HERC4: variants seen among roughly 807,000 people sequenced by gnomAD.
HERC4 encodes probable E3 ubiquitin-protein ligase HERC4.
A neutral mutation model predicts 124.3 loss-of-function variants in HERC4; 28 were observed. The observed-to-expected ratio is 0.23, with a 90% confidence interval of 0.17 to 0.31. HERC4 has a LOEUF of 0.31. HERC4 is among the 10% of genes least tolerant of loss of function. The pLI is 1.00. For missense variants in HERC4, 713 were observed against 1,229.3 expected, an observed-to-expected ratio of 0.58 and a Z score of 6.28; for synonymous variants, 407 against 421.5, an observed-to-expected ratio of 0.97 and a Z score of 0.42.
intron 9 of HERC4, among the ~76,000 whole-genome samples, chr10:68,006,603 C>A (rs1241562428): frequency 6.6e-6 from 1 of 152,028 alleles, no homozygotes; most frequent in Non-Finnish European, 1.5e-5. Context: ...GTCTCAAACT[C>A]CTGACCTCAG....
intron 4 of HERC4, 129 bp downstream of exon 4, chr10:68,044,274 AT>A: frequency 1.3e-6 from 1 of 786,192 alleles, no homozygotes; most frequent in Non-Finnish European, 1.9e-6. Context: ...CCAAACTCTT[AT>A]CAAAGGACTC....
intron 9 of HERC4, chr10:67,995,315 T>C (rs1368825415): frequency 2.2e-6 from 1 of 453,290 alleles, no homozygotes; most frequent in African/African-American, 2.0e-5. Flanking sequence ...AAATTAAGTG[T>C]TAGCATTACT....
At chr10:68,050,442 A>G (rs1291930596) in intron 3 of HERC4, among the ~76,000 whole-genome samples, 1 of 152,218 alleles carries the variant, frequency 6.6e-6, no homozygotes, top group Non-Finnish European at 1.5e-5. Context: ...TTTTCATTTT[A>G]AAACTAATCT....
intron 5 of HERC4, among the ~76,000 whole-genome samples, chr10:68,036,798 T>G (rs1387024872): frequency 6.6e-6 from 1 of 152,222 alleles, no homozygotes; most frequent in Non-Finnish European, 1.5e-5. Context: ...CTTTAAAGAC[T>G]TGCATCAAAT....
intron 24 of HERC4, among the ~76,000 whole-genome samples, chr10:67,923,895 A>G (rs2030547761): frequency 6.6e-6 from 1 of 152,242 alleles, no homozygotes; most frequent in Non-Finnish European, 1.5e-5. Flanking sequence ...TGGACACATA[A>G]ATTCTGACAA....
At position 67,990,901 on chromosome 10, in the gene HERC4, G is replaced by A. The variant is rs1391776012; in HGVS notation, c.1443+3C>T. ...CTGTAAACATAATACTTTAAAAACA[G>A]ACCTGCTGAGATATCTGCGGATGAT... On this transcript the variant is annotated splice_donor_region_variant and intron_variant, in intron 13 of 24. Transcript: ENST00000373700. 1 of 1,564,428 alleles carries A rather than the reference G, an allele frequency of 6.4e-7. No individual in the cohort carries two copies. Among genetic ancestry groups the A allele is most frequent in the East Asian group, 2.3e-5 (1 of 44,432 alleles).
At chr10:67,941,179 G>T in intron 19 of HERC4, 74 bp from the exon 20 acceptor site, 2 of 1,013,550 alleles carry the variant, frequency 2.0e-6, no homozygotes, top group South Asian at 4.2e-5. Flanking sequence ...ACATAAATAT[G>T]CTCATATACA....
intron 8 of HERC4, among the ~76,000 whole-genome samples, chr10:68,016,736 A>C (rs2038294877): frequency 6.6e-6 from 1 of 152,214 alleles, no homozygotes; most frequent in Non-Finnish European, 1.5e-5. Flanking sequence ...GTTTAGGTTA[A>C]GTCCTTAGAT....
At position 67,922,953 on chromosome 10, in the gene HERC4, T is replaced by C. The variant is rs1462826270; in HGVS notation, c.3128A>G (p.Asn1043Ser). The change falls in exon 25 of 25, where the codon AAT becomes AGT. Residue 1043 changes from asparagine to serine, a missense_variant. Physicochemically the swap from Asn to Ser is conservative, Grantham distance 46 (BLOSUM62 1). Transcript: ENST00000373700. ...RSKLIQAIDH[N>S]EGFSLI ...AAGTTATATTAAACTGAAGCCTTCA[T>C]TGTGATCAATAGCTTGGATCAGTTT... 1 of 1,610,990 alleles carries C rather than the reference T, an allele frequency of 6.2e-7. No individual in the cohort carries two copies. The highest frequency in any genetic ancestry group is 8.5e-7 in the Non-Finnish European group (1 of 1,177,906).
At chr10:67,971,515 A>T (rs1366793197) in intron 15 of HERC4, among the ~76,000 whole-genome samples, 2 of 152,102 alleles carry the variant, frequency 1.3e-5, no homozygotes, top group African/African-American at 4.8e-5. Context: ...CAATATTTCT[A>T]AAAAAAGGAG....
At chr10:68,033,220 C>T (rs2039299263) in intron 6 of HERC4, among the ~76,000 whole-genome samples, 1 of 151,718 alleles carries the variant, frequency 6.6e-6, no homozygotes, top group South Asian at 2.1e-4. Flanking sequence ...TACTTAAAAG[C>T]CTGGAAAAAA....
At chr10:67,943,536 CAT>C (rs2033087392) in intron 19 of HERC4, among the ~76,000 whole-genome samples, 1 of 152,140 alleles carries the variant, frequency 6.6e-6, no homozygotes, top group Non-Finnish European at 1.5e-5. Flanking sequence ...AGCTGGTAAA[CAT>C]AAAGACTCTA....
chr10:68,025,066 T>TA (rs1300176365), intron 8 of HERC4, among the ~76,000 whole-genome samples: 1 of 151,764 alleles, frequency 6.6e-6, no homozygotes, highest in African/African-American at 2.4e-5. Context: ...TACTAAAAAT[T>TA]AAAAAAATAA....
chr10:68,063,635 CTAAA>C (rs746532367), intron 3 of HERC4, among the ~76,000 whole-genome samples: 35 of 152,216 alleles, frequency 2.3e-4, no homozygotes, highest in Non-Finnish European at 3.8e-4. Context: ...GTTCTTTTTC[CTAAA>C]TAAATAAACA....
intron 15 of HERC4, among the ~76,000 whole-genome samples, chr10:67,975,185 G>T (rs548273970): frequency 6.6e-6 from 1 of 150,460 alleles, no homozygotes; most frequent in Non-Finnish European, 1.5e-5. Context: ...GCCAAACTCT[G>T]TCTTTAAAAA....
In HERC4 at chr10:67,990,200, A is replaced by G. The variant is rs975603439; in HGVS notation, c.1633+11T>C. ...AAAAGGTTTCAAAAGAAAAAATATT[A>G]GAATTCTTACCAAGTACTTTCAGTG... On this transcript the variant is annotated intron_variant, in intron 14 of 24. Coordinates refer to ENST00000373700, the MANE Select transcript of HERC4 (RefSeq NM_015601.4). 3.8e-6 allele frequency: 6 copies of G among 1,574,438 alleles called. No homozygotes were observed. The highest frequency in any genetic ancestry group is 5.2e-6 in the Non-Finnish European group (6 of 1,163,838).
intron 3 of HERC4, among the ~76,000 whole-genome samples, chr10:68,056,052 T>C (rs747723125): frequency 3.3e-5 from 5 of 152,110 alleles, no homozygotes; most frequent in Non-Finnish European, 7.4e-5. Flanking sequence ...CTGGCCCTTT[T>C]CTTTTAAAGA....
At chr10:67,990,762 A>C (rs1305539698) in intron 13 of HERC4, 142 bp downstream of exon 13, 8 of 521,426 alleles carry the variant, frequency 1.5e-5, no homozygotes, top group Non-Finnish European at 2.0e-5. Context: ...CTAAATTACA[A>C]ATGCTTTAAA....
chr10:68,051,116 AC>A lies in HERC4; in HGVS notation c.227-6554del, dbSNP rs1362068395. Among the ~76,000 whole-genome samples, 166 of 151,254 alleles carry A rather than the reference AC, an allele frequency of 1.1e-3. 1 individual carries two copies. Among genetic ancestry groups the A allele is most frequent in the African/African-American group, 3.7e-3 (153 of 41,386 alleles). ...ACCCAAAGACCAAAAAAAAAAAAAA[AC>A]AAAGAAAAAACTTGCCACACAAGTC... On this transcript the variant is annotated intron_variant, in intron 3 of 24. Coordinates refer to ENST00000373700, the MANE Select transcript of HERC4 (RefSeq NM_015601.4).
Sources: allele counts gnomAD v4.1 joint callset (sites outside exome capture counted in the v4.1 genomes callset), GRCh38; gene constraint gnomAD v4.1.1; transcripts MANE v1.5; gene names NCBI Gene and HGNC (gene_info 2026-07-23, HGNC 2026-07-21).